Variants in PLCH2 observed in about 807,000 individuals in gnomAD.
The protein encoded by PLCH2 is 1-phosphatidylinositol 4,5-bisphosphate phosphodiesterase eta-2.
Under a neutral mutation model 134.7 loss-of-function variants are expected in PLCH2, and 98 were observed. The ratio of observed to expected loss-of-function variants is 0.73; its 90% CI spans 0.62 to 0.86. PLCH2 has a LOEUF of 0.86. PLCH2 is among the 40% of genes least tolerant of loss of function. The pLI, the probability that PLCH2 is intolerant of heterozygous loss-of-function variation, is 0.00. For synonymous variants in PLCH2, 974 were observed against 827.5 expected (o/e 1.18, Z -3.04); for missense variants, 1,994 against 1,986.6 (o/e 1.00, Z -0.07).
At chr1:2,499,870 A>C in intron 20 of PLCH2, 150 bp downstream of exon 20, 1 of 662,682 alleles carries the variant, frequency 1.5e-6, no homozygotes, top group Non-Finnish European at 2.7e-6. Flanking sequence ...CTCTATCTCA[A>C]GAGGGGCTGC....
chr1:2,496,935 A>G lies in PLCH2; in HGVS notation c.2041A>G (p.Ile681Val), dbSNP rs758295991. ...CTTCAACCAGCAGCAGCTCTCCCGCATCTACCCCTCCTCCTACCGTGTGGA... is the reference window on the plus strand; with the variant it reads ...CTTCAACCAGCAGCAGCTCTCCCGCGTCTACCCCTCCTCCTACCGTGTGGA... ...LRFNQQQLSR[I>V]YPSSYRVDSS... is the part of the protein sequence containing the mutation. The change falls in exon 15 of 22, where the codon ATC becomes GTC. Residue 681 changes from isoleucine to valine, a missense_variant. Physicochemically the swap from Ile to Val is conservative, Grantham distance 29 (BLOSUM62 3). Around this residue, in one of 2 missense-constraint regions of PLCH2, gnomAD observed 1,094 missense variants for 1,234.3 expected, o/e 0.89. Coordinates refer to ENST00000378486, the MANE Select transcript of PLCH2 (RefSeq NM_014638.4). 3 of 1,613,332 alleles carry G rather than the reference A, an allele frequency of 1.9e-6. No homozygotes were observed. The highest frequency in any genetic ancestry group is 1.3e-5 in the African/African-American group (1 of 75,068).
At chr1:2,480,149 ATGGATCGC>A (rs1557999391) in intron 3 of PLCH2, 26 bp from the exon 4 acceptor site, 15 of 1,611,170 alleles carry the variant, frequency 9.3e-6, no homozygotes, top group Non-Finnish European at 1.3e-5. Context: ...GGCTGGGCCC[ATGGATCGC>A]TGTTGGCCCC....
At chr1:2,480,417 TG>T in intron 4 of PLCH2, 105 bp downstream of exon 4, 1 of 1,282,116 alleles carries the variant, frequency 7.8e-7, no homozygotes, top group Non-Finnish European at 1.1e-6. Flanking sequence ...GAGGGGACCC[TG>T]GCAGTGCCCT....
At chr1:2,430,555 C>G (rs1639020649) in exon 2 of PLCH2, 1 of 152,270 alleles carries the variant, frequency 6.6e-6, no homozygotes, top group Non-Finnish European at 1.5e-5. Context: ...CCTGGCCCAG[C>G]TCTTCCGCCT....
intron 2 of PLCH2, among the ~76,000 whole-genome samples, chr1:2,456,438 T>C (rs1450449411): frequency 6.6e-6 from 1 of 152,176 alleles, no homozygotes; most frequent in Non-Finnish European, 1.5e-5. Context: ...AAGACTTAAA[T>C]TGCCCCTTGC....
Position 2,494,962 on chromosome 1 carries a change from C to A in PLCH2, c.1752+14C>A. 6.4e-7 allele frequency: 1 copy of A among 1,563,740 alleles called. No individual in the cohort carries two copies. The stretch of plus-strand genomic sequence containing the variant: ...TCCAGGCGCAAGGTCCGGCGCAGCT[C>A]CCAGGCCAGGGTCCCGGTCTGGGCC... On this transcript the variant is annotated intron_variant, in intron 12 of 21. Transcript: ENST00000378486.
At chr1:2,465,734 C>T (rs1026433131), upstream of PLCH2, among the ~76,000 whole-genome samples, 2 of 152,220 alleles carry the variant, frequency 1.3e-5, no homozygotes, top group African/African-American at 2.4e-5. Flanking sequence ...TCGCAGGCCG[C>T]GGTGACGGAA....
At chr1:2,500,815 GTCCTCCCTCCCCTCCCTC>G (rs1643181727) in intron 20 of PLCH2, 1 of 30,180 alleles carries the variant, frequency 3.3e-5, no homozygotes, top group Non-Finnish European at 6.4e-5. Context: ...CCCTCCCTCA[GTCCTCCCTCCCCTCCCTC>G]AGTCCTCCCT....
At chr1:2,493,272 CG>C (rs367544931) in intron 11 of PLCH2, 561 of 152,430 alleles carry the variant, frequency 3.7e-3, no homozygotes, top group Non-Finnish European at 5.0e-3. Context: ...GATTTACAGT[CG>C]CTCGTGGCTC....
intron 1 of PLCH2, among the ~76,000 whole-genome samples, chr1:2,429,535 G>A (rs1382260312): frequency 6.6e-6 from 1 of 152,166 alleles, no homozygotes; most frequent in Non-Finnish European, 1.5e-5. Flanking sequence ...CTGGTGGGAC[G>A]GAACCCCTGG....
intron 4 of PLCH2, among the ~76,000 whole-genome samples, chr1:2,481,052 G>A (rs952857783): frequency 2.6e-5 from 4 of 152,096 alleles, no homozygotes; most frequent in East Asian, 1.9e-4. Context: ...ATAAATACAC[G>A]CACACACGTG....
intron 4 of PLCH2, among the ~76,000 whole-genome samples, chr1:2,482,830 C>T (rs555827336): frequency 6.6e-6 from 1 of 152,204 alleles, no homozygotes; most frequent in Non-Finnish European, 1.5e-5. Flanking sequence ...GGCCCTGGTT[C>T]CTGCTCAGCT....
In PLCH2 at chr1:2,496,977, C is replaced by T. The variant is rs768867413; in HGVS notation, c.2083C>T (p.Pro695Ser). ...CCGTGTGGACTCCAGCAACTACAAC[C>T]CGCAGCCCTTCTGGAACGCCGGCTG... The part of the protein sequence containing the change: ...SYRVDSSNYN[P>S]QPFWNAGCQM... The change falls in exon 15 of 22, where the codon CCG (proline) becomes TCG (serine). Residue 695 changes from proline (P) to serine (S), a missense_variant. Around this residue, in one of 2 missense-constraint regions of PLCH2, gnomAD observed 1,094 missense variants for 1,234.3 expected, o/e 0.89. Transcript: ENST00000378486. 3.1e-6 allele frequency: 5 copies of T among 1,613,356 alleles called. No homozygotes were observed. The highest frequency in any genetic ancestry group is 4.2e-6 in the Non-Finnish European group (5 of 1,179,826).
At position 2,504,869 on chromosome 1, in the gene PLCH2, C is replaced by T; in HGVS notation, c.3907C>T (p.Leu1303=). The T allele has an allele frequency of 6.3e-7, 1 of 1,595,290 alleles. No homozygotes were observed. Among genetic ancestry groups the T allele is most frequent in the Non-Finnish European group, 8.5e-7 (1 of 1,170,782 alleles). ...GAGACGGGACACCCTGACAGAGCAG[C>T]TGCGCTGGCTCACTGTCTTCCAGCA... ...GVRRDTLTEQ[L]RWLTVFQQAG... is the part of the protein sequence containing the mutation. The change falls in exon 22 of 22, where the codon CTG becomes TTG. Residue 1303 remains leucine (L), a synonymous_variant. Coordinates refer to ENST00000378486, the MANE Select transcript of PLCH2 (RefSeq NM_014638.4).
At position 2,503,487 on chromosome 1, in the gene PLCH2, AC is replaced by A. The variant is rs1643350830; in HGVS notation, c.2960-431del. 22 of 626,956 alleles carry A rather than the reference AC, an allele frequency of 3.5e-5. No homozygotes were observed. The South Asian group carries it at 4.0e-4, about 11-fold the overall frequency. The allele number at this position is 626,956 out of a possible 1,614,324, so 38.8% of individuals were successfully genotyped here. A position where few individuals can be genotyped will look rare whatever the true frequency, so the allele number is the denominator to read the frequency against. On this transcript the variant is annotated intron_variant, in intron 21 of 21. Transcript: ENST00000378486. ...GGGCTTCGCTGCTTTGGGCTGAAGCACCCCACTAGAAGGGTGTCTCCTTAGC... is the reference window on the plus strand; with the variant it reads ...GGGCTTCGCTGCTTTGGGCTGAAGCACCCACTAGAAGGGTGTCTCCTTAGC...
chr1:2,457,265 T>C (rs1640541201), intron 2 of PLCH2, among the ~76,000 whole-genome samples: 1 of 152,130 alleles, frequency 6.6e-6, no homozygotes, highest in Non-Finnish European at 1.5e-5. Context: ...CACGCTGGGC[T>C]GGCCCGCCCT....
At chr1:2,477,066 G>A (rs1260722741) in intron 1 of PLCH2, among the ~76,000 whole-genome samples, 2 of 152,166 alleles carry the variant, frequency 1.3e-5, no homozygotes, top group Non-Finnish European at 2.9e-5. Flanking sequence ...GGCTGGGCTG[G>A]CATCCTGGTG....
rs571668639 is a variant in PLCH2, at chr1:2,497,680, G to C, written c.2224+71G>C. 8.8e-4 allele frequency: 948 copies of C among 1,075,790 alleles called. 3 individuals are homozygous for C. The highest frequency in any genetic ancestry group is 8.5e-4 in the Non-Finnish European group (617 of 727,768). 66.6% of individuals were successfully genotyped at this position (1,075,790 alleles called of 1,614,324 possible). The stretch of plus-strand genomic sequence containing the variant: ...GGGCCTCCTGGGTGTCCCCAGAACA[G>C]AGATCGGAGCCCCACAGGCTAGCAA... On this transcript the variant is annotated intron_variant, in intron 16 of 21. Coordinates refer to ENST00000378486, the MANE Select transcript of PLCH2 (RefSeq NM_014638.4).
In PLCH2 at chr1:2,504,614, GA is replaced by G; in HGVS notation, c.3654del (p.Glu1218AspfsTer59). The G allele has an allele frequency of 3.1e-6, 5 of 1,612,710 alleles. No homozygotes were observed. The South Asian group carries it at 5.5e-5, about 18-fold the overall frequency. Reference sequence around the variant, plus strand: ...AGGCCAGCGGCCTCCCATACCTGACGAACTGCAGCCCAGGTCCCTGGCCCCA... The same window carrying G: ...AGGCCAGCGGCCTCCCATACCTGACGACTGCAGCCCAGGTCCCTGGCCCCA... ...ATGQRPPIPD[E>X]LQPRSLAPRM... is the part of the protein sequence containing the mutation. On this transcript the variant is annotated frameshift_variant, in exon 22 of 22. Coordinates refer to ENST00000378486, the MANE Select transcript of PLCH2 (RefSeq NM_014638.4). LOFTEE classifies it high-confidence loss of function.
Sources: gnomAD v4.1 joint callset for allele counts (sites outside exome capture counted in the v4.1 genomes callset) on GRCh38, gnomAD v4.1.1 for gene constraint, gnomAD v4.1.1 regional missense constraint, MANE v1.5 for transcripts, NCBI Gene and HGNC (gene_info 2026-07-23, HGNC 2026-07-21) for gene names.